The following ATP8B4 variants were observed in gnomAD, a reference collection of about 807,000 sequenced individuals.
The protein encoded by ATP8B4 is ATPase phospholipid transporting 8B4 (putative).
Under a neutral mutation model 145.6 loss-of-function variants are expected in ATP8B4, and 133 were observed. The observed-to-expected ratio is 0.91, with a 90% CI of 0.79 to 1.05. The LOEUF is 1.05. Among genes scored for constraint, ATP8B4 ranks in the 50% least tolerant of loss-of-function variants. ATP8B4 has a pLI of 0.00. For synonymous variants in ATP8B4, 507 were observed against 492.9 expected, an observed-to-expected ratio of 1.03 and a Z score of -0.38; for missense variants, 1,458 against 1,425.2, an observed-to-expected ratio of 1.02 and a Z score of -0.37.
chr15:50,030,254 T>C (rs1309653351), intron 6 of ATP8B4, among the ~76,000 whole-genome samples: 3 of 152,116 alleles, frequency 2.0e-5, no homozygotes, highest in Non-Finnish European at 4.4e-5. Context: ...TGCATAAACC[T>C]ATTCTTTTAA....
At chr15:49,910,916 T>G (rs1475868524) in intron 20 of ATP8B4, among the ~76,000 whole-genome samples, 3 of 152,020 alleles carry the variant, frequency 2.0e-5, no homozygotes, top group Admixed American at 6.6e-5. Flanking sequence ...ATCCTAAACC[T>G]GGAAGCAAAA....
rs1169504815 is a variant in ATP8B4, at chr15:49,934,129, C to G, written c.1341G>C (p.Gln447His). Residue 447 changes from glutamine to histidine, a missense_variant, in exon 15 of 28, where the codon CAG (glutamine) becomes CAC (histidine). Transcript: ENST00000284509. The part of the protein sequence containing the change: ...SVKSQADREF[Q>H]FFDHHLMESI... ...ATTCCATCAGATGGTGGTCAAAGAA[C>G]TGAAATTCTCTATCCGCTTGAGATT... The G allele has an allele frequency of 1.9e-6, 3 of 1,612,566 alleles. No homozygotes were observed. Among genetic ancestry groups the G allele is most frequent in the Non-Finnish European group, 2.5e-6 (3 of 1,179,206 alleles).
intron 6 of ATP8B4, among the ~76,000 whole-genome samples, chr15:50,034,530 T>C (rs944567406): frequency 1.3e-5 from 2 of 152,104 alleles, no homozygotes; most frequent in Admixed American, 6.6e-5. Context: ...CACCCGGCCA[T>C]TGAGTGTCTC....
intron 9 of ATP8B4, among the ~76,000 whole-genome samples, chr15:49,988,285 AG>A (rs1235368604): frequency 1.3e-5 from 2 of 152,236 alleles, no homozygotes; most frequent in African/African-American, 4.8e-5. Flanking sequence ...ATTCAGGATG[AG>A]GGTTCTCTAG....
chr15:49,982,986 T>C (rs2046288860), intron 10 of ATP8B4, among the ~76,000 whole-genome samples: 1 of 152,166 alleles, frequency 6.6e-6, no homozygotes, highest in Non-Finnish European at 1.5e-5. Context: ...TTCCTACCTC[T>C]TTGGTAGCTC....
chr15:50,147,420 CAAA>C (rs11346792), intron 1 of ATP8B4, among the ~76,000 whole-genome samples: 43,267 of 122,324 alleles, frequency 0.35, 7,230 homozygotes, highest in East Asian at 0.47. Context: ...ACACTGTCTC[CAAA>C]AAAAAAAAAA....
At chr15:49,998,546 A>G (rs1702494992) in intron 8 of ATP8B4, among the ~76,000 whole-genome samples, 1 of 152,234 alleles carries the variant, frequency 6.6e-6, no homozygotes, top group Non-Finnish European at 1.5e-5. Context: ...TTCTTTTGAG[A>G]AGTGTCTGTT....
intron 8 of ATP8B4, among the ~76,000 whole-genome samples, chr15:49,997,203 G>A (rs975911494): frequency 6.6e-6 from 1 of 152,014 alleles, no homozygotes; most frequent in Non-Finnish European, 1.5e-5. Flanking sequence ...AAATTTAAAT[G>A]GGAAAGGGAA....
intron 12 of ATP8B4, among the ~76,000 whole-genome samples, chr15:49,973,795 T>G (rs2045404155): frequency 6.6e-6 from 1 of 152,182 alleles, no homozygotes. Context: ...CATAGCAACA[T>G]AAGTTTCTAC....
intron 3 of ATP8B4, among the ~76,000 whole-genome samples, chr15:50,060,923 T>C (rs2052967663): frequency 6.6e-6 from 1 of 152,150 alleles, no homozygotes; most frequent in African/African-American, 2.4e-5. Context: ...TGCTGTGATA[T>C]AGGAAAGGTT....
rs1175731600 is a variant in ATP8B4, at chr15:49,897,377, T to G, written c.2612A>C (p.Lys871Thr). The G allele has an allele frequency of 5.0e-6, 8 of 1,613,984 alleles. No homozygotes were observed. The South Asian group carries it at 8.8e-5, about 18-fold the overall frequency. Reference sequence around the variant, plus strand: ...CTTATAGAAGAAATAGCATAAGAATTTGCACATTCGGAAATAAGACCACCT... The same window carrying G: ...CTTATAGAAGAAATAGCATAAGAATGTGCACATTCGGAAATAAGACCACCT... ...HGRWSYFRMC[K>T]FLCYFFYKNF... Residue 871 changes from lysine to threonine, a missense_variant, in exon 23 of 28, where the codon AAA becomes ACA. Transcript: ENST00000284509.
chr15:50,140,676 C>T (rs1390920882), intron 1 of ATP8B4, among the ~76,000 whole-genome samples: 1 of 151,978 alleles, frequency 6.6e-6, no homozygotes, highest in Non-Finnish European at 1.5e-5. Context: ...GAATAACACA[C>T]CATGCTTCTC....
At position 49,862,381 on chromosome 15, in the gene ATP8B4, A is replaced by G. The variant is rs904343467; in HGVS notation, c.3167-6T>C. 3 of 1,612,600 alleles carry G rather than the reference A, an allele frequency of 1.9e-6. No individual in the cohort carries two copies. The highest frequency in any genetic ancestry group is 3.3e-5 in the Admixed American group (2 of 59,956). Reference sequence around the variant, plus strand: ...CAGGGAATGTCGTGCATTACCTATCAATCATTAAAGAAAATATACACTGTG... The same window carrying G: ...CAGGGAATGTCGTGCATTACCTATCGATCATTAAAGAAAATATACACTGTG... On this transcript the variant is annotated splice_region_variant and splice_polypyrimidine_tract_variant and intron_variant, in intron 26 of 27. Transcript: ENST00000284509.
intron 20 of ATP8B4, among the ~76,000 whole-genome samples, chr15:49,905,070 G>A (rs948542070): frequency 6.6e-6 from 1 of 152,152 alleles, no homozygotes; most frequent in Non-Finnish European, 1.5e-5. Context: ...AACCATAGCA[G>A]GGTTTAACTG....
intron 9 of ATP8B4, among the ~76,000 whole-genome samples, chr15:49,987,942 C>A (rs1463660914): frequency 6.6e-6 from 1 of 152,186 alleles, no homozygotes; most frequent in African/African-American, 2.4e-5. Flanking sequence ...TGAACTTTTA[C>A]ACAGTTTAAA....
chr15:49,864,703 A>C (rs1034984197), intron 26 of ATP8B4, among the ~76,000 whole-genome samples: 1 of 152,172 alleles, frequency 6.6e-6, no homozygotes, highest in Non-Finnish European at 1.5e-5. Context: ...CTGATGTTCA[A>C]ATTCCTCTGC....
intron 2 of ATP8B4, among the ~76,000 whole-genome samples, chr15:50,075,365 A>T (rs559017440): frequency 1.2e-4 from 19 of 152,164 alleles, no homozygotes; most frequent in Non-Finnish European, 2.5e-4. Flanking sequence ...AATTTTTTCC[A>T]AAAGTGCAGG....
At chr15:50,011,936 A>G (rs1457900575) in intron 6 of ATP8B4, among the ~76,000 whole-genome samples, 1 of 152,164 alleles carries the variant, frequency 6.6e-6, no homozygotes, top group East Asian at 1.9e-4. Context: ...AGGCTGGAAA[A>G]TAGTTTTAAA....
chr15:50,152,270 C>T (rs1431754916), intron 1 of ATP8B4, among the ~76,000 whole-genome samples: 8 of 152,054 alleles, frequency 5.3e-5, no homozygotes, highest in Admixed American at 5.2e-4. Context: ...ATGACAAAAA[C>T]TTAGAATACC....
Sources: gnomAD v4.1 joint callset for allele counts (sites outside exome capture counted in the v4.1 genomes callset) on GRCh38, gnomAD v4.1.1 for gene constraint, MANE v1.5 for transcripts, NCBI Gene and HGNC (gene_info 2026-07-23, HGNC 2026-07-21) for gene names.